The following NR6A1 variants were observed in gnomAD, a reference collection of about 807,000 sequenced individuals.
NR6A1 encodes the protein retinoic acid receptor-related testis-associated receptor.
Under a neutral mutation model 59.1 loss-of-function variants are expected in NR6A1, and 7 were observed. The ratio of observed to expected loss-of-function variants is 0.12; its 90% confidence interval spans 0.07 to 0.22. The LOEUF is 0.22. NR6A1 is among the 10% of genes least tolerant of loss of function. NR6A1 has a pLI of 1.00. For synonymous variants in NR6A1, 243 were observed against 236.1 expected (o/e 1.03, Z -0.27); for missense variants, 468 against 611.6 (o/e 0.77, Z 2.48).
chr9:124,625,912 C>T (rs185801090), intron 2 of NR6A1, among the ~76,000 whole-genome samples: 3 of 152,268 alleles, frequency 2.0e-5, no homozygotes, highest in African/African-American at 7.2e-5. Flanking sequence ...CATTGGCTAC[C>T]GTAGGTGTCT....
chr9:124,582,056 A>G (rs1026109047), intron 2 of NR6A1, among the ~76,000 whole-genome samples: 1 of 152,250 alleles, frequency 6.6e-6, no homozygotes, highest in African/African-American at 2.4e-5. Context: ...CATTCGACCC[A>G]GCAATCCCAT....
intron 1 of NR6A1, among the ~76,000 whole-genome samples, chr9:124,766,205 T>C (rs1292707060): frequency 6.6e-6 from 1 of 152,264 alleles, no homozygotes; most frequent in African/African-American, 2.4e-5. Flanking sequence ...CTGGTATTTC[T>C]GAACCCTAGT....
chr9:124,738,863 C>T (rs1372581426), intron 1 of NR6A1, among the ~76,000 whole-genome samples: 1 of 151,754 alleles, frequency 6.6e-6, no homozygotes, highest in East Asian at 1.9e-4. Context: ...ATTAGCCAGG[C>T]GTGGTGGCGC....
chr9:124,538,339 G>A lies in NR6A1; in HGVS notation c.597-20C>T, dbSNP rs756124750. ...GACCTACTGGAGAGAAAAGTCTTGC[G>A]TCAAACAGAGCCATGGCAAGTCTAG... On this transcript the variant is annotated intron_variant, in intron 5 of 9. Coordinates refer to ENST00000487099, the MANE Select transcript of NR6A1 (RefSeq NM_033334.4). The A allele has an allele frequency of 5.7e-6, 9 of 1,584,032 alleles. No homozygotes were observed. Among genetic ancestry groups the A allele is most frequent in the South Asian group, 4.5e-5 (4 of 89,438 alleles).
At chr9:124,737,835 A>G (rs1840058536) in intron 1 of NR6A1, among the ~76,000 whole-genome samples, 1 of 152,182 alleles carries the variant, frequency 6.6e-6, no homozygotes, top group Non-Finnish European at 1.5e-5. Context: ...ACTGCACTCC[A>G]GCCTGGGGGA....
chr9:124,536,602 T>C (rs546396161), intron 6 of NR6A1, among the ~76,000 whole-genome samples: 5 of 151,736 alleles, frequency 3.3e-5, no homozygotes, highest in South Asian at 2.1e-4. Context: ...GAGGCGGAGA[T>C]TGCAGTGAGC....
At chr9:124,588,937 A>AG (rs1491215876) in intron 2 of NR6A1, among the ~76,000 whole-genome samples, 1 of 135,202 alleles carries the variant, frequency 7.4e-6, no homozygotes, top group Non-Finnish European at 1.5e-5. Flanking sequence ...AAAAAAAGAA[A>AG]GAAAAAAAAA....
chr9:124,597,760 T>TTTA (rs1835319101), intron 2 of NR6A1, among the ~76,000 whole-genome samples: 1 of 152,204 alleles, frequency 6.6e-6, no homozygotes, highest in African/African-American at 2.4e-5. Context: ...TTGAGAGCAC[T>TTTA]TTATAGACTC....
At chr9:124,532,487 A>G in intron 7 of NR6A1, among the ~76,000 whole-genome samples, 1 of 152,190 alleles carries the variant, frequency 6.6e-6, no homozygotes, top group East Asian at 1.9e-4. Flanking sequence ...CTCCCAGTCC[A>G]CTAAATCAAG....
chr9:124,525,927 T>A (rs774884864), intron 8 of NR6A1, among the ~76,000 whole-genome samples: 7 of 152,144 alleles, frequency 4.6e-5, no homozygotes, highest in Admixed American at 3.9e-4. Flanking sequence ...ATGTCTTTAA[T>A]GCTCAGCACA....
intron 2 of NR6A1, among the ~76,000 whole-genome samples, chr9:124,626,151 G>A (rs1214599518): frequency 6.6e-6 from 1 of 152,132 alleles, no homozygotes; most frequent in African/African-American, 2.4e-5. Context: ...GACTACAGGC[G>A]CACGCCACCA....
At position 124,538,303 on chromosome 9, in the gene NR6A1, T is replaced by A. The variant is rs766836920; in HGVS notation, c.613A>T (p.Asn205Tyr). 1 of 1,613,990 alleles carries A rather than the reference T, an allele frequency of 6.2e-7. No homozygotes were observed. Among genetic ancestry groups the A allele is most frequent in the South Asian group, 1.1e-5 (1 of 91,044 alleles). ...TGTTCCCTGAAGGCCATGAATCCATTCAGTTCCACAGACCTACTGGAGAGA... is the reference window on the plus strand; with the variant it reads ...TGTTCCCTGAAGGCCATGAATCCATACAGTTCCACAGACCTACTGGAGAGA... ...TLSSSRSVEL[N>Y]GFMAFREQYM... Residue 205 changes from asparagine to tyrosine, a missense_variant, in exon 6 of 10, where the codon AAT (asparagine) becomes TAT (tyrosine). Asn to Tyr is a moderately radical substitution (Grantham distance 143). Coordinates refer to ENST00000487099, the MANE Select transcript of NR6A1 (RefSeq NM_033334.4).
chr9:124,750,900 C>T (rs1840481622), intron 1 of NR6A1, among the ~76,000 whole-genome samples: 1 of 152,112 alleles, frequency 6.6e-6, no homozygotes, highest in Non-Finnish European at 1.5e-5. Context: ...TTGCATCTAC[C>T]ATTAAAACAC....
chr9:124,524,682 A>G, intron 9 of NR6A1, 39 bp downstream of exon 9: 2 of 1,604,002 alleles, frequency 1.2e-6, no homozygotes, highest in Non-Finnish European at 1.7e-6. Flanking sequence ...AGCTAAGAGA[A>G]GCAAGGAAGG....
At chr9:124,760,183 G>C (rs1169124093) in intron 1 of NR6A1, among the ~76,000 whole-genome samples, 2 of 151,824 alleles carry the variant, frequency 1.3e-5, no homozygotes, top group Admixed American at 1.3e-4. Flanking sequence ...ATGGTGGCGG[G>C]CACCTGTAAT....
intron 2 of NR6A1, among the ~76,000 whole-genome samples, chr9:124,685,613 A>C (rs1318804583): frequency 1.3e-5 from 2 of 152,212 alleles, no homozygotes; most frequent in Non-Finnish European, 2.9e-5. Context: ...TACAGGTGTA[A>C]GCCACTGTGC....
At chr9:124,723,877 T>C (rs559944304) in intron 2 of NR6A1, among the ~76,000 whole-genome samples, 1 of 152,300 alleles carries the variant, frequency 6.6e-6, no homozygotes, top group Non-Finnish European at 1.5e-5. Flanking sequence ...CCAAGCAATC[T>C]TGAGCCAGAG....
At chr9:124,749,698 C>CA (rs1292296477) in intron 1 of NR6A1, among the ~76,000 whole-genome samples, 1 of 152,178 alleles carries the variant, frequency 6.6e-6, no homozygotes, top group Non-Finnish European at 1.5e-5. Context: ...GTAGCTGGAA[C>CA]TATAGATGCA....
At chr9:124,769,878 C>G (rs1340707533) in intron 1 of NR6A1, among the ~76,000 whole-genome samples, 1 of 152,248 alleles carries the variant, frequency 6.6e-6, no homozygotes, top group African/African-American at 2.4e-5. Context: ...AAAAGTTCAC[C>G]TTTTACGACC....
Sources: allele counts gnomAD v4.1 joint callset (sites outside exome capture counted in the v4.1 genomes callset), GRCh38; gene constraint gnomAD v4.1.1; transcripts MANE v1.5; gene names NCBI Gene and HGNC (gene_info 2026-07-23, HGNC 2026-07-21).